Variants in PPP4R2 observed in about 807,000 individuals in gnomAD.
PPP4R2 encodes the protein protein phosphatase 4 regulatory subunit 2.
A neutral mutation model predicts 47.2 loss-of-function variants in PPP4R2; 13 were observed. The observed-to-expected ratio is 0.28, with a 90% CI of 0.18 to 0.44. The LOEUF is 0.44. Among genes scored for constraint, PPP4R2 ranks in the 20% least tolerant of loss-of-function variants. PPP4R2 has a pLI of 1.00. For synonymous variants in PPP4R2, 151 were observed against 163.3 expected (o/e 0.92, Z 0.57); for missense variants, 421 against 491.2 (o/e 0.86, Z 1.35).
At chr3:73,025,927 T>C (rs1286864873) in intron 2 of PPP4R2, among the ~76,000 whole-genome samples, 1 of 152,162 alleles carries the variant, frequency 6.6e-6, no homozygotes, top group Non-Finnish European at 1.5e-5. Flanking sequence ...GGAATGAACA[T>C]GAGGGTTCAC....
intron 2 of PPP4R2, among the ~76,000 whole-genome samples, chr3:73,011,806 T>G (rs1701731317): frequency 6.6e-6 from 1 of 152,234 alleles, no homozygotes; most frequent in Admixed American, 6.5e-5. Context: ...AAGCTTTCTA[T>G]TTAATATATG....
At chr3:73,062,245 CACAGCCCA>C (rs772674931) in intron 5 of PPP4R2, 3 of 1,598,822 alleles carry the variant, frequency 1.9e-6, no homozygotes, top group African/African-American at 2.7e-5. Context: ...AGAAAGGACT[CACAGCCCA>C]GCAGCCCAGG....
intron 4 of PPP4R2, 128 bp downstream of exon 4, chr3:73,059,258 TC>T: frequency 1.8e-6 from 1 of 550,926 alleles, no homozygotes; most frequent in Non-Finnish European, 3.1e-6. Context: ...ACCTTGAGTT[TC>T]CCAAATTGTT....
At chr3:72,999,397 A>T (rs904643843) in intron 2 of PPP4R2, among the ~76,000 whole-genome samples, 1 of 152,178 alleles carries the variant, frequency 6.6e-6, no homozygotes, top group Non-Finnish European at 1.5e-5. Flanking sequence ...AATCCCTAAA[A>T]CATAAATGCT....
chr3:73,047,482 CAT>C (rs1421628724), intron 3 of PPP4R2, 126 bp downstream of exon 3: 2 of 570,552 alleles, frequency 3.5e-6, no homozygotes, highest in Non-Finnish European at 5.8e-6. Context: ...TTTCTAGTGA[CAT>C]GTAGTAGTTG....
At chr3:73,019,226 G>A (rs1575850794) in intron 2 of PPP4R2, among the ~76,000 whole-genome samples, 1 of 152,138 alleles carries the variant, frequency 6.6e-6, no homozygotes, top group South Asian at 2.1e-4. Flanking sequence ...ACTATACCAT[G>A]TGGGTTTGTG....
At chr3:72,997,182 T>A in intron 1 of PPP4R2, 111 bp downstream of exon 1, 1 of 844,218 alleles carries the variant, frequency 1.2e-6, no homozygotes. Flanking sequence ...GTGGGGAGAG[T>A]GCTTCCCGGG....
rs368759702 is a variant in PPP4R2, at chr3:73,000,053, T to C, written c.116+1895T>C. ...AATGAAAATTTAAAGAACAGCAATTTAGACTTTTCTGATGTTTTAGGATGG... is the reference window on the plus strand; with the variant it reads ...AATGAAAATTTAAAGAACAGCAATTCAGACTTTTCTGATGTTTTAGGATGG... On this transcript the variant is annotated intron_variant, in intron 2 of 8. Coordinates refer to ENST00000356692, the MANE Select transcript of PPP4R2 (RefSeq NM_174907.4). Among the ~76,000 whole-genome samples the C allele has an allele frequency of 2.8e-4, 42 of 152,346 alleles. 1 individual carries two copies. The highest frequency in any genetic ancestry group is 9.1e-4 in the African/African-American group (38 of 41,578).
At chr3:73,055,637 A>T (rs1702716978) in intron 3 of PPP4R2, among the ~76,000 whole-genome samples, 1 of 149,628 alleles carries the variant, frequency 6.7e-6, no homozygotes, top group African/African-American at 2.5e-5. Context: ...AATAAATCAG[A>T]TGATATATCA....
chr3:73,020,916 G>A (rs1157352043), intron 2 of PPP4R2, among the ~76,000 whole-genome samples: 1 of 151,958 alleles, frequency 6.6e-6, no homozygotes, highest in Non-Finnish European at 1.5e-5. Context: ...CGATTATGAG[G>A]GCTCCTCCTA....
chr3:73,048,924 G>A (rs1001916354), intron 3 of PPP4R2, among the ~76,000 whole-genome samples: 8 of 152,248 alleles, frequency 5.3e-5, no homozygotes, highest in African/African-American at 1.9e-4. Flanking sequence ...AAAATATTTT[G>A]TGGGGGAGAA....
intron 2 of PPP4R2, among the ~76,000 whole-genome samples, chr3:73,016,773 G>T: frequency 1.1e-5 from 1 of 92,470 alleles, no homozygotes; most frequent in Admixed American, 1.1e-4. Context: ...GTCTCACTCT[G>T]TCACCCATTC....
chr3:73,007,156 C>T (rs1701625792), intron 2 of PPP4R2, among the ~76,000 whole-genome samples: 1 of 152,098 alleles, frequency 6.6e-6, no homozygotes, highest in South Asian at 2.1e-4. Flanking sequence ...AATAATAGTA[C>T]CTTGAAGTGT....
chr3:73,029,167 C>T (rs995442834), intron 2 of PPP4R2, among the ~76,000 whole-genome samples: 5 of 152,128 alleles, frequency 3.3e-5, no homozygotes, highest in Non-Finnish European at 7.4e-5. Flanking sequence ...TTTTGAACCC[C>T]TGGATGCAAA....
rs552552846 is a variant in PPP4R2 at position 72,997,156 on chromosome 3, C to G, written c.34+85C>G. On this transcript the variant is annotated intron_variant, in intron 1 of 8. Transcript: ENST00000356692. ...TTTCAGGGCGGATGGTTCCGAGGACCGGGGCCGGGCGCGGCGTGGGGAGAG... is the reference window on the plus strand; with the variant it reads ...TTTCAGGGCGGATGGTTCCGAGGACGGGGGCCGGGCGCGGCGTGGGGAGAG... 9.7e-5 allele frequency: 108 copies of G among 1,118,456 alleles called. No homozygotes were observed. In the East Asian group the frequency reaches 2.6e-3, roughly 27 times the overall value. The allele number at this position is 1,118,456 out of a possible 1,614,324, so 69.3% of individuals were successfully genotyped here.
chr3:73,032,914 T>TA lies in PPP4R2; in HGVS notation c.117-14264dup, dbSNP rs539752177. On this transcript the variant is annotated intron_variant, in intron 2 of 8. Transcript: ENST00000356692. ...TTGTTTATATATCAATTTCATGTTT[T>TA]AAAAAAAATCTCTTGTTGAGCCTTC... 2.4e-4 allele frequency among the ~76,000 whole-genome samples: 37 copies of TA among 152,218 alleles called. No homozygotes were observed. The East Asian group carries it at 2.5e-3, about 10-fold the overall frequency.
chr3:73,054,803 C>T (rs137958315), intron 3 of PPP4R2, among the ~76,000 whole-genome samples: 17 of 151,998 alleles, frequency 1.1e-4, no homozygotes, highest in African/African-American at 3.6e-4. Context: ...TTTTGAGTGC[C>T]TTGTCAACTT....
In PPP4R2 at chr3:73,060,907, C is replaced by T. The variant is rs1411032397; in HGVS notation, c.382-116C>T. The T allele has an allele frequency of 3.9e-5, 24 of 607,974 alleles. No homozygotes were observed. The East Asian group carries it at 6.4e-4, about 16-fold the overall frequency. 37.7% of individuals were successfully genotyped at this position (607,974 alleles called of 1,614,324 possible). ...ATTTTTAACCATTTTCCTTTACTAG[C>T]AAAATTAGAATCAATGGGAATTTAA... On this transcript the variant is annotated intron_variant, in intron 4 of 8. Coordinates refer to ENST00000356692, the MANE Select transcript of PPP4R2 (RefSeq NM_174907.4).
At chr3:73,038,893 G>C (rs1010246430) in intron 2 of PPP4R2, among the ~76,000 whole-genome samples, 5 of 152,116 alleles carry the variant, frequency 3.3e-5, no homozygotes, top group Admixed American at 6.6e-5. Context: ...TTTTTCATCT[G>C]ATTGGATCCT....
Sources: allele counts gnomAD v4.1 joint callset (sites outside exome capture counted in the v4.1 genomes callset), GRCh38; gene constraint gnomAD v4.1.1; transcripts MANE v1.5; gene names NCBI Gene and HGNC (gene_info 2026-07-23, HGNC 2026-07-21).